Variants in TMEM178B observed in about 807,000 individuals in gnomAD.
TMEM178B encodes the protein transmembrane protein 178B.
In TMEM178B, 5 loss-of-function variants were observed where a neutral mutation model predicts 31.0. That is an observed-to-expected ratio of 0.16 (90% CI 0.08 to 0.34). The LOEUF is 0.34. TMEM178B is among the 10% of genes least tolerant of loss of function. TMEM178B has a pLI of 1.00. For synonymous variants in TMEM178B, 164 were observed against 164.0 expected, an observed-to-expected ratio of 1.00 and a Z score of 0.00; for missense variants, 275 against 400.3, an observed-to-expected ratio of 0.69 and a Z score of 2.67.
rs994689121 is a variant in TMEM178B at position 141,204,394 on chromosome 7, G to A, written c.383-8197G>A. On this transcript the variant is annotated intron_variant, in intron 1 of 3. Transcript: ENST00000565468. ...AGCTGCTTTCCCATAGTTGCTCAGCGTGGGCTCAGTGGACTTGGGAAGGGA... is the reference window on the plus strand; with the variant it reads ...AGCTGCTTTCCCATAGTTGCTCAGCATGGGCTCAGTGGACTTGGGAAGGGA... Among the ~76,000 whole-genome samples the A allele has an allele frequency of 5.3e-5, 8 of 152,336 alleles. 1 individual carries two copies. In the South Asian group the frequency reaches 6.2e-4, roughly 12 times the overall value.
intron 2 of TMEM178B, among the ~76,000 whole-genome samples, chr7:141,388,413 A>G (rs2116599924): frequency 6.6e-6 from 1 of 152,374 alleles, no homozygotes. Flanking sequence ...AACTCACTAA[A>G]GATTGATCTA....
intron 1 of TMEM178B, among the ~76,000 whole-genome samples, chr7:141,147,659 C>A (rs955151593): frequency 6.6e-6 from 1 of 152,082 alleles, no homozygotes; most frequent in African/African-American, 2.4e-5. Flanking sequence ...GAAAGGAAGT[C>A]CCTAAGGAGC....
At chr7:141,106,798 C>G (rs780545807) in intron 1 of TMEM178B, among the ~76,000 whole-genome samples, 6 of 152,208 alleles carry the variant, frequency 3.9e-5, no homozygotes, top group Non-Finnish European at 8.8e-5. Flanking sequence ...ACTGTATTCA[C>G]TTAACACATA....
At chr7:141,342,057 C>T (rs1799524960) in intron 2 of TMEM178B, among the ~76,000 whole-genome samples, 1 of 152,200 alleles carries the variant, frequency 6.6e-6, no homozygotes, top group Non-Finnish European at 1.5e-5. Flanking sequence ...CAGTGATTCA[C>T]CTGCCTCAGC....
At chr7:141,135,200 A>C (rs1362368741) in intron 1 of TMEM178B, among the ~76,000 whole-genome samples, 1 of 152,180 alleles carries the variant, frequency 6.6e-6, no homozygotes, top group Non-Finnish European at 1.5e-5. Flanking sequence ...ATATATATGC[A>C]CTCAACACTG....
At position 141,074,817 on chromosome 7, in the gene TMEM178B, C is replaced by T; in HGVS notation, c.382+125C>T. 1 of 1,332,654 alleles carries T rather than the reference C, an allele frequency of 7.5e-7. No individual in the cohort carries two copies. The highest frequency in any genetic ancestry group is 9.9e-7 in the Non-Finnish European group (1 of 1,008,530). 82.6% of individuals were successfully genotyped at this position (1,332,654 alleles called of 1,614,324 possible). On this transcript the variant is annotated intron_variant, in intron 1 of 3. Transcript: ENST00000565468. This position sits in a 1 kb window ranked among gnomAD's most constrained non-coding sequence, Gnocchi z 5.1. ...CTGGGTTCCAGGCGGTCCGGTTATC[C>T]AGGCCTGGCTGAGCCTCGGGGCCAG...
At chr7:141,354,472 A>G (rs55728485) in intron 2 of TMEM178B, among the ~76,000 whole-genome samples, 49,014 of 152,082 alleles carry the variant, frequency 0.32, 8,030 homozygotes, top group Middle Eastern at 0.35. Context: ...ATAATGAAGC[A>G]GCTTACTCAC....
intron 1 of TMEM178B, among the ~76,000 whole-genome samples, chr7:141,200,003 A>C (rs1161343729): frequency 6.6e-6 from 1 of 151,920 alleles, no homozygotes; most frequent in Non-Finnish European, 1.5e-5. Flanking sequence ...GTGAGCTGAG[A>C]TAGTGTCACT....
chr7:141,406,390 C>G (rs771960543), intron 2 of TMEM178B, among the ~76,000 whole-genome samples: 3 of 152,192 alleles, frequency 2.0e-5, no homozygotes, highest in Non-Finnish European at 4.4e-5. Flanking sequence ...CCCTAATCCT[C>G]TCTCCCAGAT....
intron 2 of TMEM178B, among the ~76,000 whole-genome samples, chr7:141,357,328 T>C (rs1799837918): frequency 6.6e-6 from 1 of 152,262 alleles, no homozygotes. Flanking sequence ...ATTACCCTTT[T>C]TTGATCCTAA....
intron 2 of TMEM178B, among the ~76,000 whole-genome samples, chr7:141,248,102 A>G (rs923424854): frequency 6.6e-6 from 1 of 151,752 alleles, no homozygotes; most frequent in Non-Finnish European, 1.5e-5. Flanking sequence ...AAATATAACC[A>G]TGCATGGCTT....
chr7:141,447,806 G>C (rs762339300), intron 3 of TMEM178B, among the ~76,000 whole-genome samples: 1 of 152,042 alleles, frequency 6.6e-6, no homozygotes, highest in Non-Finnish European at 1.5e-5. Context: ...TATACAATTT[G>C]TGGGGCCCAG....
At chr7:141,232,573 C>G (rs1797465000) in intron 2 of TMEM178B, among the ~76,000 whole-genome samples, 1 of 152,154 alleles carries the variant, frequency 6.6e-6, no homozygotes, top group African/African-American at 2.4e-5. Context: ...ATGTTGCAAA[C>G]TAAATCCAGC....
At chr7:141,433,173 G>A (rs767279446) in intron 2 of TMEM178B, among the ~76,000 whole-genome samples, 5 of 152,146 alleles carry the variant, frequency 3.3e-5, no homozygotes, top group African/African-American at 9.7e-5. Flanking sequence ...CGACCCCCTC[G>A]TACCCTGATC....
intron 1 of TMEM178B, among the ~76,000 whole-genome samples, chr7:141,142,145 C>T (rs1795778964): frequency 6.8e-6 from 1 of 146,200 alleles, no homozygotes; most frequent in Non-Finnish European, 1.5e-5. Context: ...TGAGAACATG[C>T]AGTGTTTGGT....
intron 2 of TMEM178B, among the ~76,000 whole-genome samples, chr7:141,401,364 G>C (rs543251622): frequency 3.9e-5 from 6 of 152,212 alleles, no homozygotes; most frequent in Admixed American, 2.6e-4. Flanking sequence ...ATTGGTTCAG[G>C]TACCACTGGG....
intron 2 of TMEM178B, among the ~76,000 whole-genome samples, chr7:141,340,695 G>A (rs1484489264): frequency 6.6e-6 from 1 of 152,144 alleles, no homozygotes; most frequent in African/African-American, 2.4e-5. Flanking sequence ...AAACACTAAA[G>A]TAAAAAGTAA....
downstream of TMEM178B, among the ~76,000 whole-genome samples, chr7:141,483,411 T>TTC (rs770242999): frequency 1.2e-4 from 18 of 152,214 alleles, no homozygotes; most frequent in Non-Finnish European, 2.6e-4. Flanking sequence ...TTCTCTCTGC[T>TTC]TCTTCTCAGG....
At chr7:141,387,606 A>T (rs1800456532) in intron 2 of TMEM178B, among the ~76,000 whole-genome samples, 1 of 152,190 alleles carries the variant, frequency 6.6e-6, no homozygotes, top group African/African-American at 2.4e-5. Context: ...AGAGGTTTTC[A>T]TAGCGAGGAG....
Sources: gnomAD v4.1 joint callset for allele counts (sites outside exome capture counted in the v4.1 genomes callset) on GRCh38, gnomAD v4.1.1 for gene constraint, Gnocchi (gnomAD v3.1) non-coding constraint, MANE v1.5 for transcripts, NCBI Gene and HGNC (gene_info 2026-07-23, HGNC 2026-07-21) for gene names.